LRP1B: variants seen among roughly 807,000 people sequenced by gnomAD.
LRP1B encodes the protein low-density lipoprotein receptor-related protein 1B.
LRP1B carries 217 observed loss-of-function variants against 556.6 expected under a neutral mutation model. The observed-to-expected ratio is 0.39, with a 90% CI of 0.35 to 0.44. The LOEUF is 0.44. Ranked by LOEUF, LRP1B falls within the 20% of genes least tolerant of loss-of-function variation. The pLI, the probability that LRP1B is intolerant of heterozygous loss-of-function variation, is 1.00. For missense variants in LRP1B, 5,053 were observed against 5,620.8 expected (o/e 0.90, Z 3.23); for synonymous variants, 2,047 against 1,865.8 (o/e 1.10, Z -2.50).
chr2:141,332,552 A>C (rs894075654), intron 3 of LRP1B, among the ~76,000 whole-genome samples: 3 of 152,000 alleles, frequency 2.0e-5, no homozygotes, highest in Non-Finnish European at 4.4e-5. Flanking sequence ...TTTTCAGCTA[A>C]TATCTGTGTT....
At chr2:140,812,833 C>T (rs1690974978) in intron 32 of LRP1B, among the ~76,000 whole-genome samples, 1 of 151,956 alleles carries the variant, frequency 6.6e-6, no homozygotes, top group South Asian at 2.1e-4. Context: ...ACCGCAAATG[C>T]AATTACTGAA....
intron 2 of LRP1B, among the ~76,000 whole-genome samples, chr2:141,533,784 T>C (rs576596177): frequency 6.6e-6 from 1 of 152,186 alleles, no homozygotes; most frequent in Non-Finnish European, 1.5e-5. Context: ...CCTAATCACC[T>C]GCATTCCTTC....
chr2:142,107,811 T>C (rs1400849639), intron 1 of LRP1B, among the ~76,000 whole-genome samples: 1 of 146,462 alleles, frequency 6.8e-6, no homozygotes, highest in Admixed American at 6.8e-5. Flanking sequence ...TTTTTTTTTT[T>C]TTTTTTGTAT....
chr2:140,363,644 CATA>C (rs1349428433), intron 72 of LRP1B, among the ~76,000 whole-genome samples: 2 of 151,368 alleles, frequency 1.3e-5, no homozygotes, highest in Non-Finnish European at 3.0e-5. Flanking sequence ...CATTACTCAT[CATA>C]ATGAGTTGTA....
At chr2:141,510,722 T>G (rs1408643530) in intron 2 of LRP1B, among the ~76,000 whole-genome samples, 1 of 152,084 alleles carries the variant, frequency 6.6e-6, no homozygotes, top group African/African-American at 2.4e-5. Context: ...CCACCTTATC[T>G]AAAATAACAT....
intron 21 of LRP1B, among the ~76,000 whole-genome samples, chr2:140,916,271 G>T (rs1694576530): frequency 6.6e-6 from 1 of 152,058 alleles, no homozygotes; most frequent in Admixed American, 6.6e-5. Flanking sequence ...CAAAATCACT[G>T]TACCATTATA....
In LRP1B at chr2:140,232,688, T is replaced by C. The variant is rs563068071; in HGVS notation, c.*498A>G. The stretch of plus-strand genomic sequence containing the variant: ...GGTGATGCTGAACTTGTGAGAGCTA[T>C]ATATTTTCAGCAGAGTCTGAATCGA... On this transcript the variant is annotated 3_prime_UTR_variant, in exon 91 of 91. Coordinates refer to ENST00000389484, the MANE Select transcript of LRP1B (RefSeq NM_018557.3). The C allele has an allele frequency of 6.6e-6, 1 of 151,840 alleles. No individual in the cohort carries two copies. The highest frequency in any genetic ancestry group is 2.4e-5 in the African/African-American group (1 of 41,370). 9.4% of individuals were successfully genotyped at this position (151,840 alleles called of 1,614,324 possible).
At chr2:141,719,328 C>G (rs1328691825) in intron 2 of LRP1B, among the ~76,000 whole-genome samples, 3 of 151,986 alleles carry the variant, frequency 2.0e-5, no homozygotes, top group Non-Finnish European at 2.9e-5. Context: ...GTTCATTTAG[C>G]CTTACTGGTT....
chr2:140,885,899 C>CATCA (rs1693624355), intron 24 of LRP1B, among the ~76,000 whole-genome samples: 1 of 150,242 alleles, frequency 6.7e-6, no homozygotes, highest in South Asian at 2.1e-4. Flanking sequence ...ATTTCTTTGC[C>CATCA]ATCAGTCCAT....
intron 35 of LRP1B, among the ~76,000 whole-genome samples, chr2:140,749,307 A>T (rs1688489021): frequency 1.3e-5 from 2 of 152,102 alleles, no homozygotes; most frequent in South Asian, 4.1e-4. Flanking sequence ...TTATTAAAAA[A>T]TCTTTCTTTC....
chr2:141,616,290 A>T (rs79685203), intron 2 of LRP1B, among the ~76,000 whole-genome samples: 1 of 40,690 alleles, frequency 2.5e-5, no homozygotes, highest in Non-Finnish European at 5.2e-5. Context: ...CAAGAAAATA[A>T]AAAAAAAAAA....
chr2:142,050,939 G>C (rs1704433682), intron 1 of LRP1B, among the ~76,000 whole-genome samples: 1 of 151,862 alleles, frequency 6.6e-6, no homozygotes, highest in Non-Finnish European at 1.5e-5. Flanking sequence ...AATATCACCA[G>C]GAAAAAGAGC....
intron 43 of LRP1B, among the ~76,000 whole-genome samples, chr2:140,587,839 C>A (rs1574111215): frequency 6.6e-6 from 1 of 151,988 alleles, no homozygotes; most frequent in Non-Finnish European, 1.5e-5. Flanking sequence ...ATCTTAATAG[C>A]AGCGAGGGGG....
intron 3 of LRP1B, among the ~76,000 whole-genome samples, chr2:141,289,388 A>G (rs1353643779): frequency 8.0e-5 from 12 of 150,596 alleles, no homozygotes; most frequent in Non-Finnish European, 1.8e-4. Flanking sequence ...TCTCAAAAAA[A>G]AAAAAAAAAA....
chr2:140,601,198 G>A (rs1682657812), intron 42 of LRP1B, among the ~76,000 whole-genome samples: 1 of 150,674 alleles, frequency 6.6e-6, no homozygotes, highest in Non-Finnish European at 1.5e-5. Context: ...GCATGGTATT[G>A]TCTCTAGTTT....
intron 19 of LRP1B, 139 bp from the exon 20 acceptor site, chr2:140,950,541 T>A: frequency 1.7e-6 from 1 of 574,676 alleles, no homozygotes. Flanking sequence ...TGTAGTGCAG[T>A]GGCACTATCT....
intron 66 of LRP1B, among the ~76,000 whole-genome samples, chr2:140,414,395 A>G (rs1685091761): frequency 6.6e-6 from 1 of 152,192 alleles, no homozygotes; most frequent in Admixed American, 6.5e-5. Context: ...TTTAAAAAAA[A>G]ATACACTTAT....
intron 1 of LRP1B, among the ~76,000 whole-genome samples, chr2:142,012,536 T>G (rs1350999214): frequency 6.6e-6 from 1 of 152,132 alleles, no homozygotes; most frequent in Non-Finnish European, 1.5e-5. Context: ...CCATAAGTGC[T>G]GCCTGTTTCA....
At chr2:141,590,725 T>A (rs1358339298) in intron 2 of LRP1B, among the ~76,000 whole-genome samples, 2 of 152,112 alleles carry the variant, frequency 1.3e-5, no homozygotes, top group Non-Finnish European at 2.9e-5. Flanking sequence ...CTCTAACAGT[T>A]TCAATCAGAG....
Sources: allele counts gnomAD v4.1 joint callset (sites outside exome capture counted in the v4.1 genomes callset), GRCh38; gene constraint gnomAD v4.1.1; transcripts MANE v1.5; gene names NCBI Gene and HGNC (gene_info 2026-07-23, HGNC 2026-07-21).